CCNY: variants seen among roughly 807,000 people sequenced by gnomAD.
The protein encoded by CCNY is cyclin-Y.
A neutral mutation model predicts 42.8 loss-of-function variants in CCNY; 19 were observed. That is an observed-to-expected ratio of 0.44 (90% CI 0.31 to 0.65). The LOEUF is 0.65. Ranked by LOEUF, CCNY falls within the 30% of genes least tolerant of loss-of-function variation. The probability of loss-of-function intolerance (pLI) is 0.07; values close to 1 mark genes in which losing one functional copy is unlikely to be tolerated. For missense variants in CCNY, 370 were observed against 437.3 expected, an observed-to-expected ratio of 0.85 and a Z score of 1.37; for synonymous variants, 165 against 162.7, an observed-to-expected ratio of 1.01 and a Z score of -0.11.
rs536207479 is a variant in CCNY, at chr10:35,518,225, T to C, written c.365+1602T>C. Among the ~76,000 whole-genome samples the C allele has an allele frequency of 3.9e-5, 6 of 152,358 alleles. No individual in the cohort carries two copies. The South Asian group carries it at 1.2e-3, about 32-fold the overall frequency. Reference sequence around the variant, plus strand: ...ACAATTTGATAGTTCATCGGTCAACTCTAGGAGGCACAAACACCTAAGTTA... The same window carrying C: ...ACAATTTGATAGTTCATCGGTCAACCCTAGGAGGCACAAACACCTAAGTTA... On this transcript the variant is annotated intron_variant, in intron 4 of 9. Coordinates refer to ENST00000374704, the MANE Select transcript of CCNY (RefSeq NM_145012.6).
chr10:35,461,971 A>G (rs1317540648), intron 1 of CCNY, among the ~76,000 whole-genome samples: 1 of 150,944 alleles, frequency 6.6e-6, no homozygotes, highest in Non-Finnish European at 1.5e-5. Context: ...CTCTCCTTAC[A>G]CTCAATATAG....
intron 8 of CCNY, among the ~76,000 whole-genome samples, chr10:35,555,119 T>G (rs2135453415): frequency 6.6e-6 from 1 of 152,332 alleles, no homozygotes; most frequent in South Asian, 2.1e-4. Context: ...CTGTGACATG[T>G]GTACTGATGT....
At chr10:35,539,508 G>A (rs916234454) in intron 7 of CCNY, among the ~76,000 whole-genome samples, 1 of 152,098 alleles carries the variant, frequency 6.6e-6, no homozygotes, top group Non-Finnish European at 1.5e-5. Flanking sequence ...ATTCCTAGGG[G>A]CAGGGTGCAG....
Position 35,389,439 on chromosome 10 carries a change from C to CTTT in CCNY, c.154+52249_154+52251dup, listed in dbSNP as rs1365155125. ...ACAAACTAAGAAATAGAAAACTGTGCTTTTTTTTTTTTTTTTTTTGAGACG... is the reference window on the plus strand; with the variant it reads ...ACAAACTAAGAAATAGAAAACTGTGCTTTTTTTTTTTTTTTTTTTTTTGAGACG... On this transcript the variant is annotated intron_variant, in intron 1 of 9. Coordinates refer to ENST00000374704, the MANE Select transcript of CCNY (RefSeq NM_145012.6). Among the ~76,000 whole-genome samples, 173 of 120,546 alleles carry CTTT rather than the reference C, an allele frequency of 1.4e-3. 5 individuals are homozygous for CTTT. Among genetic ancestry groups the CTTT allele is most frequent in the African/African-American group, 4.7e-3 (150 of 31,686 alleles). The allele number at this position is 120,546 out of a possible 152,430, so 79.1% of individuals were successfully genotyped here.
At chr10:35,333,097 G>A (rs1428986782), upstream of CCNY, among the ~76,000 whole-genome samples, 1 of 151,796 alleles carries the variant, frequency 6.6e-6, no homozygotes, top group Non-Finnish European at 1.5e-5. Flanking sequence ...GGGGTACAGT[G>A]GTACAATCAT....
chr10:35,464,496 A>G (rs997600723), intron 1 of CCNY, among the ~76,000 whole-genome samples: 2 of 151,244 alleles, frequency 1.3e-5, no homozygotes, highest in Non-Finnish European at 1.5e-5. Context: ...ATAAAAATCC[A>G]GACTCCTTCA....
chr10:35,389,768 CA>C (rs1837374042), intron 1 of CCNY, among the ~76,000 whole-genome samples: 2 of 152,242 alleles, frequency 1.3e-5, no homozygotes, highest in South Asian at 4.1e-4. Context: ...AGTGAGAACT[CA>C]AAAACCCTTT....
chr10:35,394,846 T>C (rs1291392602), intron 1 of CCNY: 7 of 985,234 alleles, frequency 7.1e-6, no homozygotes, highest in African/African-American at 7.0e-5. Flanking sequence ...CAGGAGAAAG[T>C]GTTTCATCAC....
intron 1 of CCNY, among the ~76,000 whole-genome samples, chr10:35,422,631 A>T (rs999641180): frequency 2.0e-5 from 3 of 152,226 alleles, no homozygotes; most frequent in African/African-American, 7.2e-5. Flanking sequence ...TAGTCAGTTA[A>T]TTCTGGTTTA....
In CCNY at chr10:35,569,045, G is replaced by A. The variant is rs748781573; in HGVS notation, c.910-9G>A. On this transcript the variant is annotated splice_polypyrimidine_tract_variant and intron_variant, in intron 9 of 9. Transcript: ENST00000374704. ...CGCCCTGACCCACACTGTCTTTCTT[G>A]CCCCTCAGGCCATCTCTCGCCTCTG... 23 of 1,578,396 alleles carry A rather than the reference G, an allele frequency of 1.5e-5. No individual in the cohort carries two copies. The Admixed American group carries it at 3.2e-4, about 22-fold the overall frequency.
In CCNY at chr10:35,560,637, T is replaced by C. The variant is rs527470816; in HGVS notation, c.747-5386T>C. 3.3e-5 allele frequency among the ~76,000 whole-genome samples: 5 copies of C among 152,300 alleles called. No homozygotes were observed. In the East Asian group the frequency reaches 9.7e-4, roughly 29 times the overall value. The stretch of plus-strand genomic sequence containing the variant: ...CATTACAGCAGCTCTTGCAAACTAA[T>C]ACACCCTGTAAACTTTATTAAAAGA... On this transcript the variant is annotated intron_variant, in intron 8 of 9. Transcript: ENST00000374704.
intron 3 of CCNY, among the ~76,000 whole-genome samples, chr10:35,312,747 CTTTT>C (rs10688043): frequency 4.5e-5 from 5 of 112,154 alleles, no homozygotes; most frequent in East Asian, 2.8e-4. Context: ...TTCCTTTTTA[CTTTT>C]TTTTTTTTTT....
rs558122445 is a variant in CCNY at position 35,448,189 on chromosome 10, G to A, written c.155-35215G>A. Among the ~76,000 whole-genome samples, 88 of 152,302 alleles carry A rather than the reference G, an allele frequency of 5.8e-4. No individual in the cohort carries two copies. In the South Asian group the frequency reaches 0.017, roughly 29 times the overall value. On this transcript the variant is annotated intron_variant, in intron 1 of 9. Coordinates refer to ENST00000374704, the MANE Select transcript of CCNY (RefSeq NM_145012.6). ...ACAGGTGGCTCAGTGTGATTGAATC[G>A]TTCTTTAACTCATTCAACAAGTAAT...
chr10:35,444,871 C>T (rs892868045), intron 1 of CCNY, among the ~76,000 whole-genome samples: 5 of 152,046 alleles, frequency 3.3e-5, no homozygotes, highest in African/African-American at 7.2e-5. Context: ...ATAGTCCGGG[C>T]GACAGATGAT....
chr10:35,252,495 A>G (rs1235510820), intron 3 of CCNY, among the ~76,000 whole-genome samples: 15 of 148,716 alleles, frequency 1.0e-4, no homozygotes, highest in Admixed American at 2.1e-4. Context: ...GAACCTGGGA[A>G]GCGGAGCTTG....
At chr10:35,412,750 A>G (rs1211262892) in intron 1 of CCNY, among the ~76,000 whole-genome samples, 2 of 149,006 alleles carry the variant, frequency 1.3e-5, no homozygotes, top group Admixed American at 6.8e-5. Context: ...GGTCTCAGCT[A>G]CTTGGGAGGC....
At chr10:35,263,356 CAAAAA>C (rs71523372) in intron 3 of CCNY, among the ~76,000 whole-genome samples, 1 of 44,298 alleles carries the variant, frequency 2.3e-5, no homozygotes, top group Non-Finnish European at 4.1e-5. Context: ...GACTCCGTCT[CAAAAA>C]AAAAAAAAAA....
intron 2 of CCNY, among the ~76,000 whole-genome samples, chr10:35,248,549 G>A (rs2095709757): frequency 6.6e-6 from 1 of 152,122 alleles, no homozygotes; most frequent in African/African-American, 2.4e-5. Context: ...GGGACGCTGA[G>A]GCAGGAGAAT....
At chr10:35,359,989 A>G (rs758141411) in intron 1 of CCNY, among the ~76,000 whole-genome samples, 1 of 152,206 alleles carries the variant, frequency 6.6e-6, no homozygotes, top group Non-Finnish European at 1.5e-5. Flanking sequence ...GATATATCAC[A>G]TTTTGTTTAC....
Sources: gnomAD v4.1 joint callset for allele counts (sites outside exome capture counted in the v4.1 genomes callset) on GRCh38, gnomAD v4.1.1 for gene constraint, MANE v1.5 for transcripts, NCBI Gene and HGNC (gene_info 2026-07-23, HGNC 2026-07-21) for gene names.